Variants in TLE4 observed in about 807,000 individuals in gnomAD.
TLE4 encodes the protein transducin-like enhancer protein 4.
Under a neutral mutation model 92.8 loss-of-function variants are expected in TLE4, and 8 were observed. That is an observed-to-expected ratio of 0.09 (90% CI 0.05 to 0.16). The LOEUF is 0.16. Ranked by LOEUF, TLE4 falls within the 10% of genes least tolerant of loss-of-function variation. TLE4 has a pLI of 1.00. For missense variants in TLE4, 675 were observed against 997.6 expected (o/e 0.68, Z 4.36); for synonymous variants, 371 against 374.1 (o/e 0.99, Z 0.10).
At position 79,725,114 on chromosome 9, in the gene TLE4, G is replaced by A. The variant is rs370393616; in HGVS notation, c.2292G>A (p.Lys764=). ...DKYIVTGSGD[K]KATVYEVIY ...ACATTGTCACTGGCTCTGGGGATAA[G>A]AAGGCCACAGTTTATGAAGTTATTT... Residue 764 remains lysine (K), a synonymous_variant, in exon 20 of 20, where the codon AAG becomes AAA. Transcript: ENST00000376552. 6.2e-7 allele frequency: 1 copy of A among 1,613,830 alleles called. No homozygotes were observed. The highest frequency in any genetic ancestry group is 1.3e-5 in the African/African-American group (1 of 75,006).
intron 8 of TLE4, among the ~76,000 whole-genome samples, chr9:79,685,324 ATTTT>A (rs1057250147): frequency 6.6e-6 from 1 of 151,720 alleles, no homozygotes; most frequent in Non-Finnish European, 1.5e-5. Context: ...ATTAGAACAG[ATTTT>A]TTTTTCTGTT....
intron 8 of TLE4, chr9:79,668,769 A>C (rs2061801437): frequency 1.0e-6 from 1 of 973,900 alleles, no homozygotes; most frequent in Non-Finnish European, 1.2e-6. Flanking sequence ...ATCTACTGGA[A>C]CGCTTTTAAT....
intron 8 of TLE4, among the ~76,000 whole-genome samples, chr9:79,693,230 A>G (rs937114596): frequency 6.6e-6 from 1 of 152,080 alleles, no homozygotes; most frequent in Non-Finnish European, 1.5e-5. Context: ...TATTCTTCAG[A>G]TAGAGGAATA....
intron 4 of TLE4, among the ~76,000 whole-genome samples, chr9:79,593,616 A>G (rs547882236): frequency 1.2e-4 from 18 of 152,226 alleles, no homozygotes; most frequent in Non-Finnish European, 2.2e-4. Flanking sequence ...AAGAAAATTA[A>G]ACAATATTCA....
chr9:79,650,003 C>T, intron 6 of TLE4: 1 of 633,042 alleles, frequency 1.6e-6, no homozygotes, highest in South Asian at 1.9e-5. Context: ...GCAGCCATGA[C>T]CTCCCTGGCT....
At chr9:79,581,307 T>G (rs1330326106) in intron 4 of TLE4, among the ~76,000 whole-genome samples, 1 of 152,220 alleles carries the variant, frequency 6.6e-6, no homozygotes, top group Admixed American at 6.5e-5. Flanking sequence ...TCCTTTTACT[T>G]ATTACAGCAC....
At chr9:79,625,759 T>G (rs879912143) in intron 5 of TLE4, among the ~76,000 whole-genome samples, 16 of 152,000 alleles carry the variant, frequency 1.1e-4, no homozygotes, top group Non-Finnish European at 1.9e-4. Flanking sequence ...CCTTCTAATA[T>G]TTTCAAAATC....
rs575306515 is a variant in TLE4, at chr9:79,673,239, GA to G, written c.609+19167del. 2.3e-3 allele frequency among the ~76,000 whole-genome samples: 348 copies of G among 152,296 alleles called. 1 individual carries two copies. Among genetic ancestry groups the G allele is most frequent in the African/African-American group, 8.1e-3 (337 of 41,568 alleles). ...CTAGTTGTGTTTGGCGTAAGATCCTGAAATTTTTTTATAGTGTCACAACATT... is the reference window on the plus strand; with the variant it reads ...CTAGTTGTGTTTGGCGTAAGATCCTGAATTTTTTTATAGTGTCACAACATT... On this transcript the variant is annotated intron_variant, in intron 8 of 19. Coordinates refer to ENST00000376552, the MANE Select transcript of TLE4 (RefSeq NM_007005.6).
chr9:79,585,024 C>T (rs551049799), intron 4 of TLE4, among the ~76,000 whole-genome samples: 2 of 152,244 alleles, frequency 1.3e-5, no homozygotes, highest in South Asian at 4.1e-4. Context: ...CAATATCGAT[C>T]TTGACTATAT....
intron 6 of TLE4, among the ~76,000 whole-genome samples, chr9:79,644,388 C>T (rs1343769226): frequency 2.0e-5 from 3 of 152,136 alleles, no homozygotes; most frequent in Admixed American, 6.5e-5. Context: ...AGCATGAGAA[C>T]GGACTAATAC....
At chr9:79,644,870 A>G (rs1304224472) in intron 6 of TLE4, among the ~76,000 whole-genome samples, 1 of 152,206 alleles carries the variant, frequency 6.6e-6, no homozygotes, top group Non-Finnish European at 1.5e-5. Flanking sequence ...CGAGCAGCTC[A>G]CAGCTTGGCT....
At chr9:79,635,573 GTT>G (rs71504957) in intron 6 of TLE4, among the ~76,000 whole-genome samples, 2 of 136,060 alleles carry the variant, frequency 1.5e-5, no homozygotes. Flanking sequence ...TTAAGTTGAG[GTT>G]TTTTTTTTTT....
intron 9 of TLE4, 92 bp downstream of exon 9, chr9:79,704,994 A>G: frequency 6.5e-7 from 1 of 1,539,296 alleles, no homozygotes. Context: ...CAACACAGGA[A>G]CACAGGATAA....
intron 6 of TLE4, among the ~76,000 whole-genome samples, chr9:79,628,500 C>T (rs2053273622): frequency 6.6e-6 from 1 of 151,714 alleles, no homozygotes; most frequent in Non-Finnish European, 1.5e-5. Flanking sequence ...GGGATCACTG[C>T]TGATGTTGAG....
chr9:79,619,096 A>C (rs1486362601), intron 5 of TLE4, among the ~76,000 whole-genome samples: 2 of 152,120 alleles, frequency 1.3e-5, no homozygotes. Context: ...GTGTTTGGGC[A>C]CTCTCCATTG....
At chr9:79,635,238 T>A (rs930092857) in intron 6 of TLE4, among the ~76,000 whole-genome samples, 1 of 152,160 alleles carries the variant, frequency 6.6e-6, no homozygotes, top group Non-Finnish European at 1.5e-5. Flanking sequence ...ATGTTAAGTG[T>A]CTTTTTTGCT....
intron 8 of TLE4, among the ~76,000 whole-genome samples, chr9:79,658,852 A>G (rs780120005): frequency 1.7e-4 from 26 of 152,354 alleles, no homozygotes; most frequent in Middle Eastern, 3.4e-3. Context: ...ACAGAACACT[A>G]AAGAGTGTTT....
At chr9:79,631,616 ATGTGTGTGTGTGTG>A (rs57129541) in intron 6 of TLE4, among the ~76,000 whole-genome samples, 1,495 of 118,224 alleles carry the variant, frequency 0.013, 36 homozygotes, top group African/African-American at 0.042. Flanking sequence ...TGAACCTTAA[ATGTGTGTGTGTGTG>A]TGTGTGTGTG....
chr9:79,689,242 G>A (rs2066528606), intron 8 of TLE4, among the ~76,000 whole-genome samples: 1 of 151,972 alleles, frequency 6.6e-6, no homozygotes, highest in Non-Finnish European at 1.5e-5. Context: ...AAGTTGATAA[G>A]AATTCTTAAA....
Sources: gnomAD v4.1 joint callset for allele counts (sites outside exome capture counted in the v4.1 genomes callset) on GRCh38, gnomAD v4.1.1 for gene constraint, MANE v1.5 for transcripts, NCBI Gene and HGNC (gene_info 2026-07-23, HGNC 2026-07-21) for gene names.